MUC4: variants seen among roughly 807,000 people sequenced by gnomAD.
MUC4 encodes mucin 4, cell surface associated, also known as mucin-4.
MUC4 carries 202 observed loss-of-function variants against 257.9 expected under a neutral mutation model. That is an observed-to-expected ratio of 0.78 (90% CI 0.70 to 0.88). The LOEUF is 0.88. Ranked by LOEUF, MUC4 falls within the 40% of genes least tolerant of loss-of-function variation. The pLI is 0.00. For missense variants in MUC4, 5,976 were observed against 6,513.7 expected, an observed-to-expected ratio of 0.92 and a Z score of 2.84; for synonymous variants, 2,351 against 2,757.1, an observed-to-expected ratio of 0.85 and a Z score of 4.62.
intron 24 of MUC4, among the ~76,000 whole-genome samples, chr3:195,747,928 G>A (rs1715402764): frequency 6.6e-6 from 1 of 152,386 alleles, no homozygotes; most frequent in African/African-American, 2.4e-5. Flanking sequence ...TGGGCGGCAG[G>A]GATGCCGGCC....
Position 195,789,066 on chromosome 3 carries a change from A to G in MUC4, c.2514T>C (p.Ser838=), listed in dbSNP as rs376211235. The G allele has an allele frequency of 3.1e-6, 5 of 1,613,488 alleles. No homozygotes were observed. The African/African-American group carries it at 4.0e-5, about 13-fold the overall frequency. ...ATTCGGTTGTTGACTGGGTTGTGTG[A>G]CTGTCCCTGGAGGGGTTTGATGAAA... ...TRFSSNPSRD[S]HTTQSTTELL... is the part of the protein sequence containing the mutation. Residue 838 remains serine, a synonymous_variant, in exon 2 of 25, where the codon AGT becomes AGC. Transcript: ENST00000463781.
At position 195,761,543 on chromosome 3, in the gene MUC4, T is replaced by C. The variant is rs1203921421; in HGVS notation, c.14555A>G (p.Asn4852Ser). 3.7e-6 allele frequency: 6 copies of C among 1,614,012 alleles called. No homozygotes were observed. Among genetic ancestry groups the C allele is most frequent in the Non-Finnish European group, 5.1e-6 (6 of 1,179,992 alleles). Residue 4852 changes from asparagine to serine, a missense_variant, in exon 15 of 25, where the codon AAT becomes AGT. Coordinates refer to ENST00000463781, the MANE Select transcript of MUC4 (RefSeq NM_018406.7). ...NNPEDDFRMP[N>S]GSTIPPGSPE... ...GCTCCCTGGGGGAATGGTGGAGCCA[T>C]TGGGCATCCTGAAGTCGTCCTCTGG...
chr3:195,789,172 G>T lies in MUC4; in HGVS notation c.2408C>A (p.Ala803Asp), dbSNP rs926957964. 2 of 1,613,878 alleles carry T rather than the reference G, an allele frequency of 1.2e-6. No individual in the cohort carries two copies. The highest frequency in any genetic ancestry group is 1.7e-6 in the Non-Finnish European group (2 of 1,179,874). The part of the protein sequence containing the change: ...SGSRTTSAGT[A>D]TPSSSGASGT... ...ACTCGCCCCGGATGAGGAAGGGGTA[G>T]CTGTGCCCGCTGAGGTGGTTCGTGA... The change falls in exon 2 of 25, where the codon GCT (alanine) becomes GAT (aspartate). Residue 803 changes from alanine (A) to aspartate (D), a missense_variant. This residue lies in a region of MUC4 where 1,583 missense variants were observed against 1,257.4 expected (regional missense o/e 1.26). Coordinates refer to ENST00000463781, the MANE Select transcript of MUC4 (RefSeq NM_018406.7).
intron 19 of MUC4, 117 bp from the exon 20 acceptor site, chr3:195,753,347 C>G: frequency 9.9e-7 from 1 of 1,008,876 alleles, no homozygotes; most frequent in Non-Finnish European, 1.5e-6. Flanking sequence ...CTTCGGGCCA[C>G]TCGGAACCCC....
intron 4 of MUC4, among the ~76,000 whole-genome samples, 160 bp from the exon 5 acceptor site, chr3:195,771,976 C>T (rs577142617): frequency 6.6e-6 from 1 of 152,282 alleles, no homozygotes; most frequent in Admixed American, 6.5e-5. Context: ...TGGGGAGAGC[C>T]CTTTCCATAT....
chr3:195,792,409 T>C (rs1487133235), intron 1 of MUC4, among the ~76,000 whole-genome samples: 1 of 152,122 alleles, frequency 6.6e-6, no homozygotes, highest in Non-Finnish European at 1.5e-5. Flanking sequence ...ATTAGAGAAA[T>C]GCAAATCAAA....
chr3:195,781,562 C>G lies in MUC4; in HGVS notation c.10018G>C (p.Gly3340Arg). ...GTGACAGGCACAGGGGTGGTGTCAC[C>G]TGTGGATGCTGAGGAAGGGCTGGTG... ...HVTSPSSAST[G>R]DTTPVPVTDT... The change falls in exon 2 of 25, where the codon GGT becomes CGT. Residue 3340 changes from glycine (G) to arginine (R), a missense_variant. By Grantham distance (125) the Gly-to-Arg change is moderately radical (BLOSUM62 -2). Coordinates refer to ENST00000463781, the MANE Select transcript of MUC4 (RefSeq NM_018406.7). The G allele has an allele frequency of 7.8e-7, 1 of 1,279,656 alleles. No homozygotes were observed. Among genetic ancestry groups the G allele is most frequent in the Non-Finnish European group, 1.1e-6 (1 of 941,056 alleles). The allele number at this position is 1,279,656 out of a possible 1,614,324, so 79.3% of individuals were successfully genotyped here.
In MUC4 at chr3:195,762,232, G is replaced by C; in HGVS notation, c.14367C>G (p.Thr4789=). ...DGGGQETFNA[T]GVLLSRNGSE... is the part of the protein sequence containing the mutation. Reference sequence around the variant, plus strand: ...AGCCGTTGCGGCTCAGGAGGACTCCGGTGGCGTTGAACGTCTCCTGGCCTG... The same window carrying C: ...AGCCGTTGCGGCTCAGGAGGACTCCCGTGGCGTTGAACGTCTCCTGGCCTG... Residue 4789 remains threonine (T), a synonymous_variant, in exon 14 of 25, where the codon ACC becomes ACG. Coordinates refer to ENST00000463781, the MANE Select transcript of MUC4 (RefSeq NM_018406.7). 1.3e-6 allele frequency: 2 copies of C among 1,588,462 alleles called. No individual in the cohort carries two copies. The highest frequency in any genetic ancestry group is 1.7e-6 in the Non-Finnish European group (2 of 1,167,654).
chr3:195,799,260 T>TGTGTGTGTGAGAGAGA, intron 1 of MUC4, among the ~76,000 whole-genome samples: 1 of 149,228 alleles, frequency 6.7e-6, no homozygotes, highest in East Asian at 2.0e-4. Flanking sequence ...TGTGTGTGTG[T>TGTGTGTGTGAGAGAGA]GACACTGTGT....
intron 1 of MUC4, among the ~76,000 whole-genome samples, chr3:195,795,572 CCCT>C (rs1734466628): frequency 6.6e-6 from 1 of 152,042 alleles, no homozygotes; most frequent in South Asian, 2.1e-4. Context: ...TGAGTCAATG[CCCT>C]TGGAAATGTG....
chr3:195,763,547 G>A lies in MUC4; in HGVS notation c.14139C>T (p.Asp4713=), dbSNP rs1402182136. The change falls in exon 12 of 25, where the codon GAC becomes GAT. Residue 4713 remains aspartate, a synonymous_variant. Transcript: ENST00000463781. ...LGDFLLVGAQ[D]GNSSFLLQGR... ...CCTGAAGCAGGAAGGAGGAGTTCCC[G>A]TCTTGGGCCCCGACCAGCAGGAAGT... The A allele has an allele frequency of 2.2e-5, 35 of 1,589,092 alleles. No homozygotes were observed. The highest frequency in any genetic ancestry group is 2.7e-5 in the Non-Finnish European group (32 of 1,166,924).
At chr3:195,760,470 G>T (rs2550276) in intron 16 of MUC4, among the ~76,000 whole-genome samples, 1 of 81,800 alleles carries the variant, frequency 1.2e-5, no homozygotes, top group African/African-American at 3.5e-5. Context: ...GCTGGGAAGG[G>T]GTCCAGCGCT....
Position 195,762,264 on chromosome 3 carries a change from C to A in MUC4, c.14345-10G>T, listed in dbSNP as rs747810810. 6.4e-7 allele frequency: 1 copy of A among 1,562,884 alleles called. No homozygotes were observed. The highest frequency in any genetic ancestry group is 1.2e-5 in the South Asian group (1 of 85,412). Reference sequence around the variant, plus strand: ...TTGAACGTCTCCTGGCCTGGAGCATCGGGAGGCAGCGGAGAGGAAGCCAGG... The same window carrying A: ...TTGAACGTCTCCTGGCCTGGAGCATAGGGAGGCAGCGGAGAGGAAGCCAGG... On this transcript the variant is annotated splice_polypyrimidine_tract_variant and intron_variant, in intron 13 of 24. Transcript: ENST00000463781.
intron 1 of MUC4, among the ~76,000 whole-genome samples, chr3:195,803,142 C>T (rs1293318050): frequency 1.3e-5 from 2 of 152,150 alleles, no homozygotes; most frequent in African/African-American, 4.8e-5. Flanking sequence ...AGAGACAAAC[C>T]ACATCTGAAA....
chr3:195,769,089 G>A lies in MUC4; in HGVS notation c.13462C>T (p.Gln4488Ter). Residue 4488 changes from glutamine to a stop codon, truncating the protein, a stop_gained, in exon 7 of 25, where the codon CAG becomes TAG. Coordinates refer to ENST00000463781, the MANE Select transcript of MUC4 (RefSeq NM_018406.7). LOFTEE classifies it high-confidence loss of function. ...GSRSYALFLY[Q>*]SGGMQWDVAQ... ...ACGTCCCACTGCATCCCACCGCTCT[G>A]GTAGAGAAACAGGGCATAGGACCTG... The A allele has an allele frequency of 6.2e-7, 1 of 1,614,122 alleles. No homozygotes were observed. The highest frequency in any genetic ancestry group is 1.1e-5 in the South Asian group (1 of 91,064).
chr3:195,771,769 A>G lies in MUC4; in HGVS notation c.13125T>C (p.Ile4375=), dbSNP rs1391940289. The G allele has an allele frequency of 1.2e-6, 2 of 1,613,748 alleles. No individual in the cohort carries two copies. The highest frequency in any genetic ancestry group is 2.7e-5 in the African/African-American group (2 of 74,888). The change falls in exon 5 of 25, where the codon ATT becomes ATC. Residue 4375 remains isoleucine, a synonymous_variant. Transcript: ENST00000463781. ...TTGGGAGTGGGTTGGGGTAGGAGAA[A>G]ATCTGGTAGTCTGACTCTGGGAAGA... ...QIIFPESDYQ[I]FSYPNPLPTG...
chr3:195,790,452 G>A lies in MUC4; in HGVS notation c.1128C>T (p.Thr376=). 1 of 1,613,912 alleles carries A rather than the reference G, an allele frequency of 6.2e-7. No homozygotes were observed. Among genetic ancestry groups the A allele is most frequent in the South Asian group, 1.1e-5 (1 of 91,080 alleles). ...SQETFPSGET[T]TSSPSSVSNT... The stretch of plus-strand genomic sequence containing the variant: ...TGCTGACACTGGAAGGGGATGAGGT[G>A]GTTGTTTCACCAGAAGGGAATGTCT... Residue 376 remains threonine (T), a synonymous_variant, in exon 2 of 25, where the codon ACC becomes ACT. Coordinates refer to ENST00000463781, the MANE Select transcript of MUC4 (RefSeq NM_018406.7).
At position 195,787,845 on chromosome 3, in the gene MUC4, G is replaced by A. The variant is rs1368060665; in HGVS notation, c.3735C>T (p.His1245=). The change falls in exon 2 of 25, where the codon CAC becomes CAT. Residue 1245 remains histidine, a synonymous_variant. Coordinates refer to ENST00000463781, the MANE Select transcript of MUC4 (RefSeq NM_018406.7). ...VTIPSAASTG[H]TTPLPVTDTS... Reference sequence around the variant, plus strand: ...TGTCGGTGACAGGAAGAGGGGTGGTGTGACCTGTGGATGCTGCGGAAGGGA... The same window carrying A: ...TGTCGGTGACAGGAAGAGGGGTGGTATGACCTGTGGATGCTGCGGAAGGGA... 1 of 515,774 alleles carries A rather than the reference G, an allele frequency of 1.9e-6. No homozygotes were observed. The highest frequency in any genetic ancestry group is 3.1e-6 in the Non-Finnish European group (1 of 323,338). 31.9% of individuals were successfully genotyped at this position (515,774 alleles called of 1,614,324 possible).
intron 4 of MUC4, among the ~76,000 whole-genome samples, chr3:195,772,130 A>G (rs1188782745): frequency 2.0e-5 from 3 of 152,208 alleles, no homozygotes. Context: ...CCCATCCTGA[A>G]GTTTGCGACA....
Sources: allele counts gnomAD v4.1 joint callset (sites outside exome capture counted in the v4.1 genomes callset), GRCh38; gene constraint gnomAD v4.1.1; regional missense constraint gnomAD v4.1.1; transcripts MANE v1.5; gene names NCBI Gene and HGNC (gene_info 2026-07-23, HGNC 2026-07-21).